TMBIM6: variants seen among roughly 807,000 people sequenced by gnomAD.
The protein encoded by TMBIM6 is transmembrane BAX inhibitor motif containing 6, also known as bax inhibitor 1.
Under a neutral mutation model 31.4 loss-of-function variants are expected in TMBIM6, and 13 were observed. The ratio of observed to expected loss-of-function variants is 0.41; its 90% CI spans 0.27 to 0.66. The LOEUF (loss-of-function observed/expected upper bound fraction) is 0.66. TMBIM6 is among the 30% of genes least tolerant of loss of function. The pLI, the probability that TMBIM6 is intolerant of heterozygous loss-of-function variation, is 0.28. For missense variants in TMBIM6, 275 were observed against 289.5 expected, an observed-to-expected ratio of 0.95 and a Z score of 0.36; for synonymous variants, 85 against 101.7, an observed-to-expected ratio of 0.84 and a Z score of 0.99.
chr12:49,742,428 C>T (rs1242675817), intron 1 of TMBIM6: 3 of 1,160,158 alleles, frequency 2.6e-6, no homozygotes, highest in African/African-American at 1.6e-5. Context: ...TGTATATTTA[C>T]TGAGTGTAGA....
chr12:49,746,061 T>A (rs1439087912), intron 1 of TMBIM6, among the ~76,000 whole-genome samples: 1 of 151,890 alleles, frequency 6.6e-6, no homozygotes, highest in African/African-American at 2.4e-5. Context: ...ATGTTTCAGT[T>A]TATAATTTTC....
intron 1 of TMBIM6, chr12:49,749,744 T>C (rs1238069235): frequency 6.6e-6 from 1 of 152,154 alleles, no homozygotes; most frequent in East Asian, 1.9e-4. Flanking sequence ...TGTAAGTCAT[T>C]TTTGAGTCAA....
chr12:49,752,268 TGTC>T (rs1945508102), intron 1 of TMBIM6, among the ~76,000 whole-genome samples, 193 bp from the exon 2 acceptor site: 1 of 152,226 alleles, frequency 6.6e-6, no homozygotes, highest in East Asian at 1.9e-4. Context: ...TCAATTCCTC[TGTC>T]GTCTTTAAGA....
At chr12:49,754,019 T>C (rs545724444) in intron 3 of TMBIM6, among the ~76,000 whole-genome samples, 1 of 152,150 alleles carries the variant, frequency 6.6e-6, no homozygotes, top group East Asian at 1.9e-4. Flanking sequence ...GTCACCCTGC[T>C]GTTGCAGTGT....
chr12:49,742,448 C>G, intron 1 of TMBIM6: 1 of 939,670 alleles, frequency 1.1e-6, no homozygotes, highest in Non-Finnish European at 1.5e-6. Flanking sequence ...AATTACTACC[C>G]GGTGCCAGCC....
chr12:49,748,848 CT>C (rs1484351891), intron 1 of TMBIM6, among the ~76,000 whole-genome samples: 2 of 152,198 alleles, frequency 1.3e-5, no homozygotes, highest in Non-Finnish European at 2.9e-5. Context: ...TTGTAATGTA[CT>C]TTTTTTCTTT....
At chr12:49,760,385 G>C (rs1945693343) in intron 8 of TMBIM6, among the ~76,000 whole-genome samples, 1 of 152,034 alleles carries the variant, frequency 6.6e-6, no homozygotes, top group Admixed American at 6.6e-5. Flanking sequence ...TGAGTAGCTG[G>C]GACAACAGGC....
At chr12:49,749,215 A>G (rs1274995656) in intron 1 of TMBIM6, among the ~76,000 whole-genome samples, 1 of 152,182 alleles carries the variant, frequency 6.6e-6, no homozygotes, top group East Asian at 1.9e-4. Context: ...ATTCTTGTCT[A>G]TTTGGAACAG....
intron 8 of TMBIM6, among the ~76,000 whole-genome samples, chr12:49,761,392 A>G (rs1235486762): frequency 6.6e-6 from 1 of 151,886 alleles, no homozygotes; most frequent in Non-Finnish European, 1.5e-5. Flanking sequence ...TTTTGTAGAG[A>G]CGGGATTTTG....
At chr12:49,760,163 A>G (rs925078379) in intron 8 of TMBIM6, among the ~76,000 whole-genome samples, 1 of 151,224 alleles carries the variant, frequency 6.6e-6, no homozygotes, top group Non-Finnish European at 1.5e-5. Context: ...TTACATATCC[A>G]TAGTGGCTAC....
intron 4 of TMBIM6, 119 bp from the exon 5 acceptor site, chr12:49,758,107 AT>A (rs1386296166): frequency 9.7e-7 from 1 of 1,033,366 alleles, no homozygotes; most frequent in Non-Finnish European, 1.5e-6. Flanking sequence ...GAGAGATTTA[AT>A]TCTTTAGTCC....
chr12:49,742,921 C>T (rs1945323578), intron 1 of TMBIM6, among the ~76,000 whole-genome samples: 1 of 151,814 alleles, frequency 6.6e-6, no homozygotes, highest in Non-Finnish European at 1.5e-5. Flanking sequence ...TACTTTTGAT[C>T]CATAGTTTGC....
intron 1 of TMBIM6, among the ~76,000 whole-genome samples, chr12:49,744,711 A>G (rs1476981419): frequency 6.6e-6 from 1 of 152,208 alleles, no homozygotes; most frequent in Non-Finnish European, 1.5e-5. Context: ...GTTTCTGCAC[A>G]ATTAACTGGA....
chr12:49,757,699 T>C (rs190801869), intron 4 of TMBIM6, among the ~76,000 whole-genome samples: 242 of 152,300 alleles, frequency 1.6e-3, no homozygotes, highest in Non-Finnish European at 3.0e-3. Context: ...GGTGGAATTA[T>C]CAGAAGGAAA....
At chr12:49,758,096 A>G (rs1232928737) in intron 4 of TMBIM6, 131 bp from the exon 5 acceptor site, 5 of 911,560 alleles carry the variant, frequency 5.5e-6, no homozygotes, top group Non-Finnish European at 8.7e-6. Flanking sequence ...AGCGGAGGGG[A>G]GAGAGATTTA....
intron 1 of TMBIM6, among the ~76,000 whole-genome samples, chr12:49,747,751 A>T (rs1945422314): frequency 6.6e-6 from 1 of 152,208 alleles, no homozygotes; most frequent in South Asian, 2.1e-4. Context: ...ACACTGAGGC[A>T]AAGTCTGTCT....
intron 8 of TMBIM6, among the ~76,000 whole-genome samples, chr12:49,760,011 C>T (rs1050600524): frequency 2.7e-5 from 4 of 147,572 alleles, no homozygotes; most frequent in East Asian, 2.0e-4. Flanking sequence ...ACTCAGGAGG[C>T]GGAGGCAGGA....
At chr12:49,756,862 G>A (rs781733278) in intron 4 of TMBIM6, among the ~76,000 whole-genome samples, 2 of 151,358 alleles carry the variant, frequency 1.3e-5, no homozygotes, top group Non-Finnish European at 2.9e-5. Flanking sequence ...TCAGCCTCCC[G>A]AATAGCTGGG....
At chr12:49,750,907 G>A (rs1236348390) in intron 1 of TMBIM6, among the ~76,000 whole-genome samples, 1 of 152,142 alleles carries the variant, frequency 6.6e-6, no homozygotes, top group African/African-American at 2.4e-5. Context: ...GTGTTGGGCT[G>A]GGTGCTGATT....
Sources: gnomAD v4.1 joint callset for allele counts (sites outside exome capture counted in the v4.1 genomes callset) on GRCh38, gnomAD v4.1.1 for gene constraint, MANE v1.5 for transcripts, NCBI Gene and HGNC (gene_info 2026-07-23, HGNC 2026-07-21) for gene names.